ITPR2: variants seen among roughly 807,000 people sequenced by gnomAD.
ITPR2 encodes inositol 1,4,5-trisphosphate-gated calcium channel ITPR2.
A neutral mutation model predicts 317.1 loss-of-function variants in ITPR2; 207 were observed. The observed-to-expected ratio is 0.65, with a 90% confidence interval of 0.58 to 0.73. The LOEUF (loss-of-function observed/expected upper bound fraction) is 0.73, where lower values mean the gene tolerates loss of function less well. Ranked by LOEUF, ITPR2 falls within the 30% of genes least tolerant of loss-of-function variation. The pLI, the probability that ITPR2 is intolerant of heterozygous loss-of-function variation, is 0.00. For synonymous variants in ITPR2, 1,156 were observed against 1,149.1 expected, an observed-to-expected ratio of 1.01 and a Z score of -0.12; for missense variants, 2,613 against 3,284.0, an observed-to-expected ratio of 0.80 and a Z score of 4.99.
chr12:26,782,034 G>GAGA (rs1950101787), intron 2 of ITPR2, among the ~76,000 whole-genome samples: 22 of 45,398 alleles, frequency 4.8e-4, no homozygotes, highest in African/African-American at 1.3e-3. Flanking sequence ...ATATATATAT[G>GAGA]TATAGAGAGA....
In ITPR2 at chr12:26,832,913, C is replaced by A; in HGVS notation, c.-132G>T. The A allele has an allele frequency of 1.5e-6, 1 of 683,740 alleles. No homozygotes were observed. Among genetic ancestry groups the A allele is most frequent in the Non-Finnish European group, 2.5e-6 (1 of 406,404 alleles). 42.4% of individuals were successfully genotyped at this position (683,740 alleles called of 1,614,324 possible). A position where few individuals can be genotyped will look rare whatever the true frequency, so the allele number is the denominator to read the frequency against. On this transcript the variant is annotated 5_prime_UTR_variant, in exon 1 of 57. Transcript: ENST00000381340. ...CGGCCAAGAGCCGCGGCGGAGGGCA[C>A]GGCCCGAGCCACTGAGCGTCGCGGC...
intron 32 of ITPR2, among the ~76,000 whole-genome samples, chr12:26,586,464 G>C (rs569319420): frequency 6.6e-6 from 1 of 152,274 alleles, no homozygotes; most frequent in African/African-American, 2.4e-5. Context: ...ATGTACTTAA[G>C]TATTAAATTT....
intron 54 of ITPR2, among the ~76,000 whole-genome samples, chr12:26,390,258 G>C (rs1284823636): frequency 6.6e-6 from 1 of 152,078 alleles, no homozygotes; most frequent in African/African-American, 2.4e-5. Flanking sequence ...ACCCACTCCT[G>C]GGTATATATT....
intron 15 of ITPR2, among the ~76,000 whole-genome samples, chr12:26,661,427 C>T (rs939832877): frequency 1.3e-5 from 2 of 152,040 alleles, no homozygotes; most frequent in Non-Finnish European, 2.9e-5. Context: ...AGAACTGACA[C>T]CAGGTAAGAC....
intron 2 of ITPR2, among the ~76,000 whole-genome samples, chr12:26,743,734 A>ATACAAAAT (rs1949273390): frequency 6.6e-6 from 1 of 152,170 alleles, no homozygotes; most frequent in African/African-American, 2.4e-5. Flanking sequence ...TCTACTAAAA[A>ATACAAAAT]TACAAAATTA....
chr12:26,357,659 A>G (rs995053287), intron 55 of ITPR2, among the ~76,000 whole-genome samples: 1 of 152,266 alleles, frequency 6.6e-6, no homozygotes. Flanking sequence ...GGCATCGGAC[A>G]TAGGGCAGTA....
chr12:26,475,352 C>T lies in ITPR2; in HGVS notation c.6286G>A (p.Asp2096Asn). The T allele has an allele frequency of 6.2e-7, 1 of 1,613,784 alleles. No homozygotes were observed. The highest frequency in any genetic ancestry group is 8.5e-7 in the Non-Finnish European group (1 of 1,179,802). Residue 2096 changes from aspartate (D) to asparagine (N), a missense_variant, in exon 45 of 57, where the codon GAT becomes AAT. Asp to Asn is a conservative substitution (Grantham distance 23). Around this residue, in one of 9 missense-constraint regions of ITPR2, gnomAD observed 926 missense variants for 1,072.8 expected, o/e 0.86. Coordinates refer to ENST00000381340, the MANE Select transcript of ITPR2 (RefSeq NM_002223.4). ...ACATCTTTTGGAGAAACACCATCAT[C>T]TCCACCCTCATCATCCCCATGGTCA... ...ECDHGDDEGG[D>N]DGVSPKDVGH...
At chr12:26,535,082 C>T (rs996864149) in intron 37 of ITPR2, among the ~76,000 whole-genome samples, 3 of 152,188 alleles carry the variant, frequency 2.0e-5, no homozygotes, top group East Asian at 3.9e-4. Flanking sequence ...GGTGGATATG[C>T]TGAATACCTT....
chr12:26,342,047 GC>G (rs1170470684), intron 55 of ITPR2, among the ~76,000 whole-genome samples: 2 of 152,204 alleles, frequency 1.3e-5, no homozygotes, highest in Non-Finnish European at 2.9e-5. Context: ...CCTAACAGGG[GC>G]CCATGAAATG....
At chr12:26,389,491 T>C (rs966009597) in intron 54 of ITPR2, among the ~76,000 whole-genome samples, 4 of 79,856 alleles carry the variant, frequency 5.0e-5, no homozygotes, top group African/African-American at 8.9e-5. Context: ...CTCTTTGCTT[T>C]TTTTTTTTTT....
intron 34 of ITPR2, among the ~76,000 whole-genome samples, chr12:26,577,849 T>C (rs1945312203): frequency 6.6e-6 from 1 of 152,224 alleles, no homozygotes; most frequent in African/African-American, 2.4e-5. Context: ...AGGTATGCTA[T>C]AACCCTGGCC....
intron 23 of ITPR2, 47 bp from the exon 24 acceptor site, chr12:26,624,403 G>C: frequency 7.5e-7 from 1 of 1,332,376 alleles, no homozygotes; most frequent in East Asian, 2.3e-5. Context: ...ATTTTAATTA[G>C]GAGCCATAAT....
At chr12:26,341,821 T>C (rs1369053820) in intron 55 of ITPR2, among the ~76,000 whole-genome samples, 1 of 152,216 alleles carries the variant, frequency 6.6e-6, no homozygotes, top group Non-Finnish European at 1.5e-5. Flanking sequence ...GGCTGCACAC[T>C]GTGTGTATCA....
rs770024622 is a variant in ITPR2 at position 26,495,176 on chromosome 12, A to C, written c.5158T>G (p.Tyr1720Asp). 7.5e-6 allele frequency: 12 copies of C among 1,601,888 alleles called. No individual in the cohort carries two copies. Among genetic ancestry groups the C allele is most frequent in the Non-Finnish European group, 9.4e-6 (11 of 1,168,818 alleles). ...CCTCCCACCTGTGCAGTTTTGGAGT[A>C]GGCTCCTGATAGGTGTCCATTCACA... is the stretch of plus-strand genomic sequence containing the variant. ...IGVNGHLSGA[Y>D]SKTAQVGGSF... Residue 1720 changes from tyrosine (Y) to aspartate (D), a missense_variant, in exon 38 of 57, where the codon TAC becomes GAC. Tyr to Asp is a radical substitution (Grantham distance 160, BLOSUM62 -3). Around this residue, in one of 9 missense-constraint regions of ITPR2, gnomAD observed 926 missense variants for 1,072.8 expected, o/e 0.86. Coordinates refer to ENST00000381340, the MANE Select transcript of ITPR2 (RefSeq NM_002223.4).
intron 54 of ITPR2, among the ~76,000 whole-genome samples, chr12:26,391,541 CTTCT>C: frequency 9.0e-6 from 1 of 111,112 alleles, no homozygotes; most frequent in Non-Finnish European, 1.9e-5. Context: ...GCTTCTTCTT[CTTCT>C]TCTTCTTTTC....
At chr12:26,780,849 GA>G in intron 2 of ITPR2, among the ~76,000 whole-genome samples, 1 of 152,280 alleles carries the variant, frequency 6.6e-6, no homozygotes, top group Non-Finnish European at 1.5e-5. Flanking sequence ...AGTTCCAGAG[GA>G]AGGAATGCTG....
chr12:26,780,407 C>T (rs1330860324), intron 2 of ITPR2, among the ~76,000 whole-genome samples: 1 of 152,234 alleles, frequency 6.6e-6, no homozygotes, highest in Non-Finnish European at 1.5e-5. Context: ...CATCTGTGGA[C>T]TCACAGAAGG....
chr12:26,401,295 A>T (rs1366062048), intron 52 of ITPR2, among the ~76,000 whole-genome samples: 1 of 152,180 alleles, frequency 6.6e-6, no homozygotes, highest in Non-Finnish European at 1.5e-5. Flanking sequence ...GCATACACAC[A>T]ATAGTTGCTT....
intron 52 of ITPR2, among the ~76,000 whole-genome samples, chr12:26,405,208 G>GTAAA (rs1156308431): frequency 6.6e-6 from 1 of 151,508 alleles, no homozygotes; most frequent in Non-Finnish European, 1.5e-5. Flanking sequence ...ATAAACAAAA[G>GTAAA]TAAAGAATTA....
Sources: gnomAD v4.1 joint callset for allele counts (sites outside exome capture counted in the v4.1 genomes callset) on GRCh38, gnomAD v4.1.1 for gene constraint, gnomAD v4.1.1 regional missense constraint, MANE v1.5 for transcripts, NCBI Gene and HGNC (gene_info 2026-07-23, HGNC 2026-07-21) for gene names.